CDS1: variants seen among roughly 807,000 people sequenced by gnomAD.
The protein encoded by CDS1 is phosphatidate cytidylyltransferase 1.
CDS1 carries 41 observed loss-of-function variants against 62.1 expected under a neutral mutation model. That is an observed-to-expected ratio of 0.66 (90% CI 0.51 to 0.86). The LOEUF is 0.86. CDS1 is among the 40% of genes least tolerant of loss of function. CDS1 has a pLI of 0.00. For synonymous variants in CDS1, 185 were observed against 192.6 expected (o/e 0.96, Z 0.32); for missense variants, 470 against 550.1 (o/e 0.85, Z 1.46).
At chr4:84,612,214 G>T (rs1164484002) in intron 3 of CDS1, among the ~76,000 whole-genome samples, 1 of 151,928 alleles carries the variant, frequency 6.6e-6, no homozygotes, top group East Asian at 1.9e-4. Flanking sequence ...ATCAGATTCT[G>T]GAGGGCCTTG....
At chr4:84,635,220 G>T (rs781680387) in intron 7 of CDS1, 44 bp from the exon 8 acceptor site, 2 of 987,658 alleles carry the variant, frequency 2.0e-6, no homozygotes, top group East Asian at 2.4e-5. Context: ...ACTTACTCAG[G>T]TGAACTTTTT....
intron 1 of CDS1, among the ~76,000 whole-genome samples, chr4:84,599,387 A>G (rs996519488): frequency 9.0e-6 from 1 of 110,722 alleles, no homozygotes; most frequent in Non-Finnish European, 1.8e-5. Flanking sequence ...TAATTTGGCA[A>G]ATTTTGACAC....
intron 1 of CDS1, among the ~76,000 whole-genome samples, chr4:84,593,763 C>G (rs1409831081): frequency 6.6e-6 from 1 of 152,160 alleles, no homozygotes; most frequent in African/African-American, 2.4e-5. Context: ...CTCGGCCTCC[C>G]AAAGTGCTGG....
At chr4:84,640,428 A>G (rs1305136433) in intron 9 of CDS1, among the ~76,000 whole-genome samples, 1 of 151,936 alleles carries the variant, frequency 6.6e-6, no homozygotes, top group Non-Finnish European at 1.5e-5. Flanking sequence ...ATTTAGTCAA[A>G]GTTTTCTGGG....
intron 7 of CDS1, 98 bp from the exon 8 acceptor site, chr4:84,635,166 T>C: frequency 1.5e-6 from 1 of 651,924 alleles, no homozygotes; most frequent in Non-Finnish European, 2.7e-6. Flanking sequence ...CAAAGGGTTA[T>C]TCTGATGGTT....
intron 5 of CDS1, among the ~76,000 whole-genome samples, chr4:84,625,061 A>G (rs1460382145): frequency 6.6e-6 from 1 of 151,928 alleles, no homozygotes; most frequent in Admixed American, 6.6e-5. Context: ...GAGTTTCACT[A>G]TGTTGCTCAG....
At chr4:84,639,591 G>A (rs1020793771) in intron 9 of CDS1, among the ~76,000 whole-genome samples, 1 of 152,210 alleles carries the variant, frequency 6.6e-6, no homozygotes, top group Non-Finnish European at 1.5e-5. Flanking sequence ...TAGTGAGAAT[G>A]AGAGTATAGT....
chr4:84,588,672 G>C (rs936643445), intron 1 of CDS1, among the ~76,000 whole-genome samples: 3 of 152,064 alleles, frequency 2.0e-5, no homozygotes, highest in Non-Finnish European at 2.9e-5. Flanking sequence ...TTTCTGGATG[G>C]GGGGGCCACA....
At chr4:84,639,962 T>A (rs1235424860) in intron 9 of CDS1, among the ~76,000 whole-genome samples, 1 of 151,720 alleles carries the variant, frequency 6.6e-6, no homozygotes, top group Non-Finnish European at 1.5e-5. Flanking sequence ...CGAGAATAAT[T>A]AAACATTATG....
At chr4:84,629,099 T>G (rs1338542634) in intron 5 of CDS1, among the ~76,000 whole-genome samples, 1 of 152,212 alleles carries the variant, frequency 6.6e-6, no homozygotes. Context: ...CAAGCATTCT[T>G]TGTTAATCAG....
intron 5 of CDS1, among the ~76,000 whole-genome samples, chr4:84,623,135 G>T (rs185857796): frequency 4.6e-5 from 7 of 152,212 alleles, no homozygotes; most frequent in Admixed American, 4.6e-4. Flanking sequence ...CTGCATTCCT[G>T]TTCCTGTGTG....
chr4:84,622,847 T>C (rs1038911009), intron 5 of CDS1, among the ~76,000 whole-genome samples: 1 of 152,194 alleles, frequency 6.6e-6, no homozygotes, highest in Non-Finnish European at 1.5e-5. Context: ...AGTTTTTTTA[T>C]AGTAATAGTT....
At chr4:84,627,721 G>A (rs2148653197) in intron 5 of CDS1, among the ~76,000 whole-genome samples, 1 of 152,152 alleles carries the variant, frequency 6.6e-6, no homozygotes, top group Admixed American at 6.5e-5. Context: ...AAAATTGATG[G>A]ACATATAAAA....
intron 1 of CDS1, among the ~76,000 whole-genome samples, chr4:84,603,440 C>T (rs565117657): frequency 3.9e-5 from 6 of 152,238 alleles, no homozygotes; most frequent in Admixed American, 1.3e-4. Flanking sequence ...GGGCCTGAGG[C>T]GGGAGAGGTT....
chr4:84,604,081 CAAA>C (rs1208527540), intron 1 of CDS1, among the ~76,000 whole-genome samples, 159 bp from the exon 2 acceptor site: 3 of 152,154 alleles, frequency 2.0e-5, no homozygotes, highest in South Asian at 4.1e-4. Flanking sequence ...ACTTTCCTAA[CAAA>C]GAAGTATAGC....
At chr4:84,609,617 G>A (rs1378273656) in intron 3 of CDS1, 92 bp downstream of exon 3, 1 of 748,494 alleles carries the variant, frequency 1.3e-6, no homozygotes, top group East Asian at 2.5e-5. Context: ...TAAAAAAGAA[G>A]CTAATTCAAC....
Position 84,644,722 on chromosome 4 carries a change from A to C in CDS1, c.1153-500A>C, listed in dbSNP as rs189707658. Among the ~76,000 whole-genome samples, 57 of 152,254 alleles carry C rather than the reference A, an allele frequency of 3.7e-4. No homozygotes were observed. In the East Asian group the frequency reaches 0.011, roughly 28 times the overall value. ...ATGTGTCCCATATGGGCTCACTGTAATTTTATTTTTTACTCTAACACTTAA... is the reference window on the plus strand; with the variant it reads ...ATGTGTCCCATATGGGCTCACTGTACTTTTATTTTTTACTCTAACACTTAA... On this transcript the variant is annotated intron_variant, in intron 11 of 12. Transcript: ENST00000295887.
At chr4:84,643,221 A>G in intron 11 of CDS1, 78 bp downstream of exon 11, 2 of 1,430,242 alleles carry the variant, frequency 1.4e-6, no homozygotes, top group East Asian at 2.3e-5. Context: ...TGGTCCGCTC[A>G]TGATCTACAT....
intron 5 of CDS1, among the ~76,000 whole-genome samples, chr4:84,631,377 T>A (rs1447019017): frequency 6.6e-6 from 1 of 152,206 alleles, no homozygotes; most frequent in Non-Finnish European, 1.5e-5. Context: ...AATGCTTAGA[T>A]AAGAGCCTAG....
Sources: gnomAD v4.1 joint callset for allele counts (sites outside exome capture counted in the v4.1 genomes callset) on GRCh38, gnomAD v4.1.1 for gene constraint, MANE v1.5 for transcripts, NCBI Gene and HGNC (gene_info 2026-07-23, HGNC 2026-07-21) for gene names.